The following NCOR2 variants were observed in gnomAD, a reference collection of about 807,000 sequenced individuals.
NCOR2 encodes the protein CTG repeat protein 26.
A neutral mutation model predicts 262.9 loss-of-function variants in NCOR2; 81 were observed. The ratio of observed to expected loss-of-function variants is 0.31; its 90% CI spans 0.26 to 0.37. The LOEUF is 0.37. Among genes scored for constraint, NCOR2 ranks in the 10% least tolerant of loss-of-function variants. The probability of loss-of-function intolerance (pLI) is 1.00; values close to 1 mark genes in which losing one functional copy is unlikely to be tolerated. For missense variants in NCOR2, 3,385 were observed against 3,621.4 expected (o/e 0.93, Z 1.68); for synonymous variants, 1,659 against 1,559.3 (o/e 1.06, Z -1.51).
upstream of NCOR2, among the ~76,000 whole-genome samples, chr12:124,498,703 C>T (rs2048512331): frequency 6.6e-6 from 1 of 152,184 alleles, no homozygotes; most frequent in Non-Finnish European, 1.5e-5. Context: ...GGGACTCAAA[C>T]AAAACACGGT....
At chr12:124,525,242 C>G (rs745364175) in intron 1 of NCOR2, among the ~76,000 whole-genome samples, 10 of 152,148 alleles carry the variant, frequency 6.6e-5, no homozygotes, top group Non-Finnish European at 1.2e-4. Context: ...CTGCTGTTCC[C>G]TCATCCCCCT....
chr12:124,327,732 A>G (rs947268899), intron 44 of NCOR2, 99 bp from the exon 47 acceptor site: 3 of 727,122 alleles, frequency 4.1e-6, no homozygotes, highest in African/African-American at 3.6e-5. Context: ...AGAGGGAAGG[A>G]GGAGGAGGAG....
chr12:124,422,894 G>A (rs1285735409), intron 11 of NCOR2, among the ~76,000 whole-genome samples: 1 of 152,158 alleles, frequency 6.6e-6, no homozygotes, highest in Non-Finnish European at 1.5e-5. Context: ...ATCCACTTTT[G>A]TTTCTCTCTC....
intron 19 of NCOR2, among the ~76,000 whole-genome samples, chr12:124,372,845 T>C (rs1179090257): frequency 6.6e-6 from 1 of 152,114 alleles, no homozygotes; most frequent in Admixed American, 6.5e-5. Context: ...AGACTGACCC[T>C]GCTGGCATAA....
chr12:124,523,643 A>C lies in NCOR2; in HGVS notation c.-118+11922T>G, dbSNP rs1566024050. On this transcript the variant is annotated intron_variant, in intron 1 of 46. Coordinates refer to the NCOR2 transcript ENST00000404621. This position sits in a 1 kb window ranked among gnomAD's most constrained non-coding sequence, Gnocchi z 4.0. The stretch of plus-strand genomic sequence containing the variant: ...TAACCATAGCTGATGAACTAAAAAA[A>C]AAAAAAACAAAAAACCGAAAAACAA... 6.6e-6 allele frequency among the ~76,000 whole-genome samples: 1 copy of C among 151,082 alleles called. No homozygotes were observed. The highest frequency in any genetic ancestry group is 1.5e-5 in the Non-Finnish European group (1 of 67,948).
chr12:124,354,797 C>A, intron 25 of NCOR2, 40 bp downstream of exon 27: 1 of 1,589,328 alleles, frequency 6.3e-7, no homozygotes, highest in South Asian at 1.1e-5. Flanking sequence ...CAGCCAGAGC[C>A]CAGCCTGAGC....
chr12:124,375,401 C>T (rs1213376788), intron 18 of NCOR2, among the ~76,000 whole-genome samples: 1 of 152,180 alleles, frequency 6.6e-6, no homozygotes, highest in Non-Finnish European at 1.5e-5. Flanking sequence ...ACTCCAAGGG[C>T]TTGTGACAGT....
chr12:124,383,561 T>C (rs1225342636), intron 17 of NCOR2: 5 of 418,458 alleles, frequency 1.2e-5, no homozygotes. Context: ...GGGCCTCAGG[T>C]GGCCCTGAGA....
chr12:124,455,153 T>C (rs2045770302), intron 6 of NCOR2, among the ~76,000 whole-genome samples: 1 of 152,206 alleles, frequency 6.6e-6, no homozygotes, highest in Non-Finnish European at 1.5e-5. Context: ...TGTTCTAAAA[T>C]TGACCGTGGT....
chr12:124,349,926 C>T (rs1011204112), intron 28 of NCOR2, among the ~76,000 whole-genome samples: 1 of 152,170 alleles, frequency 6.6e-6, no homozygotes, highest in African/African-American at 2.4e-5. Context: ...GCATTATGTT[C>T]CTAAGCCACA....
intron 1 of NCOR2, among the ~76,000 whole-genome samples, chr12:124,554,065 G>A (rs938017417): frequency 6.6e-6 from 1 of 152,186 alleles, no homozygotes; most frequent in East Asian, 1.9e-4. Flanking sequence ...CCCCGGGGCA[G>A]GCCAAAAAGG....
chr12:124,433,900 G>C (rs11057621), intron 8 of NCOR2, among the ~76,000 whole-genome samples: 4 of 131,406 alleles, frequency 3.0e-5, no homozygotes, highest in African/African-American at 5.9e-5. Flanking sequence ...ACACACACAC[G>C]CACACACACA....
At chr12:124,520,168 G>A (rs2050099927) in intron 1 of NCOR2, among the ~76,000 whole-genome samples, 3 of 152,196 alleles carry the variant, frequency 2.0e-5, no homozygotes, top group South Asian at 4.1e-4. Flanking sequence ...CCCCTGGGGG[G>A]TTTCCGTAGA....
chr12:124,463,101 C>T (rs1006313185), intron 5 of NCOR2, among the ~76,000 whole-genome samples: 1 of 152,212 alleles, frequency 6.6e-6, no homozygotes, highest in African/African-American at 2.4e-5. Context: ...TCCTGAATTC[C>T]TACGGTACCA....
exon 44 of NCOR2, chr12:124,330,846 T>A: frequency 6.3e-7 from 1 of 1,576,286 alleles, no homozygotes; most frequent in Non-Finnish European, 8.6e-7. Context: ...ATGGGTTACC[T>A]GTTCCGGTGA....
At chr12:124,392,292 C>A (rs1424965634) in intron 16 of NCOR2, among the ~76,000 whole-genome samples, 1 of 152,186 alleles carries the variant, frequency 6.6e-6, no homozygotes, top group Non-Finnish European at 1.5e-5. Context: ...GGCTGTACCC[C>A]AAGTTCCTGC....
rs139390320 is a variant in NCOR2 at position 124,349,335 on chromosome 12, G to A, written c.3845-1021C>T. Among the ~76,000 whole-genome samples the A allele has an allele frequency of 4.5e-3, 681 of 152,310 alleles. 6 individuals are homozygous for A. Among genetic ancestry groups the A allele is most frequent in the African/African-American group, 0.016 (655 of 41,558 alleles). On this transcript the variant is annotated intron_variant, in intron 28 of 46. Coordinates refer to ENST00000405201, the Ensembl canonical transcript of NCOR2. ...GAGCCCCCGCCCCACCCCTCAGAGGGAATGAGCAACTGACAGGCTCTCGGG... is the reference window on the plus strand; with the variant it reads ...GAGCCCCCGCCCCACCCCTCAGAGGAAATGAGCAACTGACAGGCTCTCGGG...
chr12:124,340,384 G>A lies in NCOR2; in HGVS notation c.5398C>T (p.Arg1800Trp), dbSNP rs757674784. ...CGATCCCGGTCCCGCTCTCGATCCC[G>A]GTCTCGCTCCCGCTCGGACGAGGAC... Residue 1800 changes from arginine (R) to tryptophan (W), a missense_variant, in exon 36 of 47, where the codon CGG (arginine) becomes TGG (tryptophan). By Grantham distance (101) the Arg-to-Trp change is moderately radical (BLOSUM62 -3). This residue lies in a region of NCOR2 where 1,615 missense variants were observed against 1,626.9 expected (regional missense o/e 0.99). Coordinates refer to ENST00000405201, the Ensembl canonical transcript of NCOR2. 28 of 1,612,920 alleles carry A rather than the reference G, an allele frequency of 1.7e-5. 1 individual carries two copies. The highest frequency in any genetic ancestry group is 8.8e-5 in the South Asian group (8 of 91,088).
chr12:124,400,368 T>G, intron 15 of NCOR2, 133 bp downstream of exon 17: 2 of 1,255,094 alleles, frequency 1.6e-6, no homozygotes, highest in Non-Finnish European at 1.1e-6. Context: ...GCGCTGGGAT[T>G]TGACTCCAAC....
Sources: gnomAD v4.1 joint callset for allele counts (sites outside exome capture counted in the v4.1 genomes callset) on GRCh38, gnomAD v4.1.1 for gene constraint, gnomAD v4.1.1 regional missense constraint, Gnocchi (gnomAD v3.1) non-coding constraint, MANE v1.5 for transcripts, NCBI Gene and HGNC (gene_info 2026-07-23, HGNC 2026-07-21) for gene names.